Variants in CAMTA1 observed in about 807,000 individuals in gnomAD.
CAMTA1 encodes calmodulin-binding transcription activator 1.
In CAMTA1, 27 loss-of-function variants were observed where a neutral mutation model predicts 170.9. The ratio of observed to expected loss-of-function variants is 0.16; its 90% confidence interval spans 0.12 to 0.22. The LOEUF (loss-of-function observed/expected upper bound fraction) is 0.22. Ranked by LOEUF, CAMTA1 falls within the 10% of genes least tolerant of loss-of-function variation. The pLI is 1.00. For synonymous variants in CAMTA1, 833 were observed against 891.5 expected (o/e 0.93, Z 1.17); for missense variants, 1,619 against 2,217.2 (o/e 0.73, Z 5.42).
intron 14 of CAMTA1, 27 bp downstream of exon 14, chr1:7,737,036 C>G (rs60266879): frequency 0.037 from 57,579 of 1,549,796 alleles, 1,196 homozygotes; most frequent in Non-Finnish European, 0.042. Flanking sequence ...TGTAGCCCCC[C>G]CTTGCTGTTC....
At chr1:7,647,611 G>A (rs1558051868) in intron 7 of CAMTA1, among the ~76,000 whole-genome samples, 1 of 152,184 alleles carries the variant, frequency 6.6e-6, no homozygotes, top group Non-Finnish European at 1.5e-5. Context: ...GGTGGGGCTG[G>A]AACTAGCAGC....
In CAMTA1 at chr1:7,124,453, C is replaced by T. The variant is rs187449709; in HGVS notation, c.302+33082C>T. ...TTTCTCCACATTTGCAATCAGAGTA[C>T]GTCATTCCTTCTTTGCCAGGAATGT... On this transcript the variant is annotated intron_variant, in intron 4 of 22. Coordinates refer to ENST00000303635, the MANE Select transcript of CAMTA1 (RefSeq NM_015215.4). 1.4e-4 allele frequency among the ~76,000 whole-genome samples: 22 copies of T among 152,348 alleles called. No homozygotes were observed. In the East Asian group the frequency reaches 2.1e-3, roughly 15 times the overall value.
At chr1:7,577,646 A>G (rs894887988) in intron 6 of CAMTA1, among the ~76,000 whole-genome samples, 3 of 151,620 alleles carry the variant, frequency 2.0e-5, no homozygotes, top group Admixed American at 1.3e-4. Flanking sequence ...TCACACTCAC[A>G]CCGTCCTGCA....
chr1:7,698,085 C>CA (rs1193737179), intron 11 of CAMTA1, among the ~76,000 whole-genome samples: 1 of 142,410 alleles, frequency 7.0e-6, no homozygotes, highest in Non-Finnish European at 1.6e-5. Flanking sequence ...CCCCCCCCCC[C>CA]CCCACCAACA....
intron 3 of CAMTA1, among the ~76,000 whole-genome samples, chr1:6,966,331 C>T (rs1357622471): frequency 2.0e-5 from 3 of 152,136 alleles, no homozygotes; most frequent in East Asian, 1.9e-4. Context: ...ACTTCTTAGC[C>T]GTCACCCCAA....
At chr1:7,271,794 C>A (rs1261642330) in intron 5 of CAMTA1, among the ~76,000 whole-genome samples, 1 of 152,114 alleles carries the variant, frequency 6.6e-6, no homozygotes, top group Non-Finnish European at 1.5e-5. Context: ...AACATCACTA[C>A]TGACCTTCTA....
At position 7,455,317 on chromosome 1, in the gene CAMTA1, C is replaced by T. The variant is rs544941726; in HGVS notation, c.439-12513C>T. On this transcript the variant is annotated intron_variant, in intron 5 of 22. Transcript: ENST00000303635. The surrounding 1 kb of genome is among the most constrained non-coding windows in gnomAD (Gnocchi z 5.0). ...CTGCTCTCTTTTGTAGAGATGTTTT[C>T]GTGAACTTGAGAAAAAATCGGGAAA... 1.3e-5 allele frequency among the ~76,000 whole-genome samples: 2 copies of T among 152,308 alleles called. No homozygotes were observed. The highest frequency in any genetic ancestry group is 1.9e-4 in the East Asian group (1 of 5,172).
chr1:7,433,968 C>T (rs888882192), intron 5 of CAMTA1, among the ~76,000 whole-genome samples: 13 of 152,210 alleles, frequency 8.5e-5, no homozygotes, highest in South Asian at 4.1e-4. Flanking sequence ...CCCTGGTGGA[C>T]GGGGAAGCAT....
chr1:7,154,380 CCT>C (rs1435529366), intron 4 of CAMTA1, among the ~76,000 whole-genome samples: 1 of 152,068 alleles, frequency 6.6e-6, no homozygotes, highest in Non-Finnish European at 1.5e-5. Flanking sequence ...TCTTAGATTT[CCT>C]CTCTTTTTCC....
chr1:7,155,470 T>C (rs915310121), intron 4 of CAMTA1, among the ~76,000 whole-genome samples: 48 of 148,894 alleles, frequency 3.2e-4, no homozygotes, highest in African/African-American at 1.2e-3. Context: ...AGGAGGCCAA[T>C]ATCTAGGCCT....
chr1:7,613,174 G>A (rs757379388), intron 6 of CAMTA1, among the ~76,000 whole-genome samples: 10 of 152,220 alleles, frequency 6.6e-5, no homozygotes, highest in Non-Finnish European at 1.0e-4. Flanking sequence ...TGGGAACCCC[G>A]GGATGGGATG....
intron 3 of CAMTA1, among the ~76,000 whole-genome samples, chr1:7,071,104 C>T (rs1314060275): frequency 2.6e-5 from 4 of 152,182 alleles, no homozygotes; most frequent in Non-Finnish European, 5.9e-5. Flanking sequence ...TGGACTGGAG[C>T]GAGCCTCCCC....
At chr1:7,449,785 A>AAAAAAG (rs2092774619) in intron 5 of CAMTA1, among the ~76,000 whole-genome samples, 2 of 150,654 alleles carry the variant, frequency 1.3e-5, no homozygotes, top group Non-Finnish European at 3.0e-5. Context: ...AAAAAAAAAA[A>AAAAAAG]AAAGAAAGAA....
intron 3 of CAMTA1, among the ~76,000 whole-genome samples, chr1:6,978,703 C>T (rs1034381813): frequency 2.0e-5 from 3 of 150,584 alleles, no homozygotes; most frequent in Non-Finnish European, 4.4e-5. Flanking sequence ...TATATATCTA[C>T]AATGCACCTG....
At position 7,661,738 on chromosome 1, in the gene CAMTA1, A is replaced by G. The variant is rs1461519905; in HGVS notation, c.677A>G (p.Lys226Arg). The G allele has an allele frequency of 6.2e-7, 1 of 1,613,694 alleles. No individual in the cohort carries two copies. Among genetic ancestry groups the G allele is most frequent in the Non-Finnish European group, 8.5e-7 (1 of 1,179,950 alleles). Residue 226 changes from lysine (K) to arginine (R), a missense_variant, in exon 8 of 23, where the codon AAG becomes AGG. Lys to Arg is a conservative substitution (Grantham distance 26). Transcript: ENST00000303635. ...GQLKPMFHGIKWTCSNGNSSS... is the reference protein window; with the variant it reads ...GQLKPMFHGIRWTCSNGNSSS... Reference sequence around the variant, plus strand: ...TCTCTCTTCACAGTCCATGGCATCAAGTGGACCTGCAGCAATGGGAACAGC... The same window carrying G: ...TCTCTCTTCACAGTCCATGGCATCAGGTGGACCTGCAGCAATGGGAACAGC...
chr1:7,172,955 G>A (rs980177965), intron 4 of CAMTA1, among the ~76,000 whole-genome samples: 3 of 152,150 alleles, frequency 2.0e-5, no homozygotes, highest in Admixed American at 6.5e-5. Flanking sequence ...TTAGACTCTC[G>A]GAGCTAAAAT....
chr1:7,727,313 G>A (rs1305222698), intron 11 of CAMTA1, among the ~76,000 whole-genome samples: 1 of 151,984 alleles, frequency 6.6e-6, no homozygotes, highest in Non-Finnish European at 1.5e-5. Flanking sequence ...TAGTAGAGAC[G>A]GGGTTTCACC....
chr1:7,755,955 C>T (rs1206871995), intron 22 of CAMTA1, among the ~76,000 whole-genome samples: 3 of 152,120 alleles, frequency 2.0e-5, no homozygotes, highest in Non-Finnish European at 4.4e-5. Flanking sequence ...AGCCTCAGGA[C>T]GAAAACAGGG....
At chr1:7,418,635 C>G (rs559688900) in intron 5 of CAMTA1, among the ~76,000 whole-genome samples, 1 of 152,218 alleles carries the variant, frequency 6.6e-6, no homozygotes, top group Non-Finnish European at 1.5e-5. Flanking sequence ...GTCCACTCCA[C>G]ATCGCCACTT....
Sources: allele counts gnomAD v4.1 joint callset (sites outside exome capture counted in the v4.1 genomes callset), GRCh38; gene constraint gnomAD v4.1.1; non-coding constraint Gnocchi (gnomAD v3.1); transcripts MANE v1.5; gene names NCBI Gene and HGNC (gene_info 2026-07-23, HGNC 2026-07-21).